Variants in STRN3 observed in about 807,000 individuals in gnomAD.
STRN3 encodes the protein striatin 3, also known as striatin-3.
In STRN3, 29 loss-of-function variants were observed where a neutral mutation model predicts 95.6. The ratio of observed to expected loss-of-function variants is 0.30; its 90% CI spans 0.23 to 0.41. The LOEUF (loss-of-function observed/expected upper bound fraction) is 0.41, where lower values mean the gene tolerates loss of function less well. STRN3 is among the 10% of genes least tolerant of loss of function. The pLI is 1.00. For synonymous variants in STRN3, 331 were observed against 357.6 expected, an observed-to-expected ratio of 0.93 and a Z score of 0.84; for missense variants, 890 against 972.1, an observed-to-expected ratio of 0.92 and a Z score of 1.12.
intron 1 of STRN3, among the ~76,000 whole-genome samples, chr14:30,984,145 C>CA (rs1166498035): frequency 5.7e-5 from 8 of 140,082 alleles, no homozygotes; most frequent in South Asian, 2.4e-4. Context: ...CAACCCCCCC[C>CA]CACACACAAA....
intron 1 of STRN3, among the ~76,000 whole-genome samples, chr14:31,000,938 T>C (rs1454708911): frequency 6.6e-6 from 1 of 152,092 alleles, no homozygotes; most frequent in East Asian, 1.9e-4. Flanking sequence ...TGTGCACATA[T>C]ACAATCTGTA....
At chr14:30,911,907 A>G (rs1358234947) in intron 11 of STRN3, 83 bp from the exon 12 acceptor site, 3 of 1,560,896 alleles carry the variant, frequency 1.9e-6, no homozygotes, top group East Asian at 4.5e-5. Flanking sequence ...TAGTCATTAG[A>G]TCAAATGTGT....
At chr14:30,896,503 T>C (rs1896154041) in intron 16 of STRN3, among the ~76,000 whole-genome samples, 1 of 136,812 alleles carries the variant, frequency 7.3e-6, no homozygotes, top group African/African-American at 2.8e-5. Flanking sequence ...CATAGTGAAA[T>C]GCTGTCAAGA....
intron 1 of STRN3, among the ~76,000 whole-genome samples, chr14:30,981,576 T>TCACA (rs34644271): frequency 0.012 from 1,794 of 145,384 alleles, 31 homozygotes; most frequent in African/African-American, 0.034. Context: ...AGCTTAGAAT[T>TCACA]CACACACACA....
At chr14:31,018,083 T>TAA (rs11438099) in intron 1 of STRN3, among the ~76,000 whole-genome samples, 3,859 of 128,550 alleles carry the variant, frequency 0.03, 74 homozygotes, top group Non-Finnish European at 0.037. Flanking sequence ...TGCCTCAATT[T>TAA]AAAAAAAAAA....
chr14:30,960,360 T>C (rs1880128644), intron 1 of STRN3, among the ~76,000 whole-genome samples: 2 of 152,102 alleles, frequency 1.3e-5, no homozygotes, highest in South Asian at 4.1e-4. Context: ...TGATAGAATT[T>C]GCTCTACTAA....
At chr14:31,025,724 G>A (rs914785946) in intron 1 of STRN3, 180 bp downstream of exon 1, 2 of 855,820 alleles carry the variant, frequency 2.3e-6, no homozygotes, top group South Asian at 3.6e-5. Context: ...AGCTTATGCG[G>A]GAAAGAGGGA....
chr14:30,997,822 C>T (rs1434972434), intron 1 of STRN3, among the ~76,000 whole-genome samples: 2 of 152,006 alleles, frequency 1.3e-5, no homozygotes, highest in Non-Finnish European at 2.9e-5. Flanking sequence ...AAGGTAATGT[C>T]AGCAAAAAAG....
At chr14:31,002,905 G>A (rs754853664) in intron 1 of STRN3, among the ~76,000 whole-genome samples, 2 of 152,120 alleles carry the variant, frequency 1.3e-5, no homozygotes, top group Non-Finnish European at 2.9e-5. Context: ...GAGTTCTGGA[G>A]ATGATGGTAG....
chr14:30,928,836 G>A (rs528495440), intron 8 of STRN3, among the ~76,000 whole-genome samples: 83 of 152,202 alleles, frequency 5.5e-4, no homozygotes, highest in Admixed American at 3.1e-3. Flanking sequence ...CTGGATATGA[G>A]TTGTTTATAG....
chr14:30,954,524 T>C (rs951452412), intron 3 of STRN3, among the ~76,000 whole-genome samples: 1 of 152,198 alleles, frequency 6.6e-6, no homozygotes, highest in Non-Finnish European at 1.5e-5. Flanking sequence ...TGCCCATCCC[T>C]TTGTTTGGTT....
intron 7 of STRN3, among the ~76,000 whole-genome samples, chr14:30,929,954 C>CAAAAAACAAAACAAAAAAAAAAAAAAAA (rs1555317326): frequency 2.5e-5 from 1 of 39,996 alleles, no homozygotes; most frequent in African/African-American, 1.2e-4. Flanking sequence ...CTAAGATTAG[C>CAAAAAACAAAACAAAAAAAAAAAAAAAA]AAAAAAAAAA....
chr14:31,005,614 G>C (rs1882677855), intron 1 of STRN3, among the ~76,000 whole-genome samples: 1 of 152,220 alleles, frequency 6.6e-6, no homozygotes, highest in Admixed American at 6.5e-5. Flanking sequence ...GGAGATGTAA[G>C]AGAGAATTGT....
intron 3 of STRN3, among the ~76,000 whole-genome samples, chr14:30,952,692 T>G (rs1274249406): frequency 6.6e-6 from 1 of 151,910 alleles, no homozygotes; most frequent in Non-Finnish European, 1.5e-5. Context: ...AGAGCAAGAC[T>G]CTGTCTCAAA....
chr14:30,966,509 T>C (rs1473526868), intron 1 of STRN3, among the ~76,000 whole-genome samples: 3 of 152,122 alleles, frequency 2.0e-5, no homozygotes, highest in African/African-American at 7.2e-5. Context: ...AATCAAGACC[T>C]ACCCAGTGCG....
At chr14:31,004,200 T>TCC (rs1473831318) in intron 1 of STRN3, among the ~76,000 whole-genome samples, 4 of 151,332 alleles carry the variant, frequency 2.6e-5, no homozygotes, top group Non-Finnish European at 4.4e-5. Flanking sequence ...GGTGGGAAGA[T>TCC]CACCTGAGCT....
chr14:30,952,299 A>G (rs1368101754), intron 3 of STRN3, among the ~76,000 whole-genome samples: 1 of 152,168 alleles, frequency 6.6e-6, no homozygotes, highest in Non-Finnish European at 1.5e-5. Context: ...CAACCCTCAT[A>G]CTGAATGTTG....
At position 30,929,960 on chromosome 14, in the gene STRN3, A is replaced by AC. The variant is rs1566441354; in HGVS notation, c.989-650_989-649insG. 9.1e-5 allele frequency among the ~76,000 whole-genome samples: 13 copies of AC among 142,952 alleles called. 1 individual carries two copies. Among genetic ancestry groups the AC allele is most frequent in the African/African-American group, 2.5e-4 (10 of 39,258 alleles). The allele number at this position is 142,952 out of a possible 152,430, so 93.8% of individuals were successfully genotyped here. A position where few individuals can be genotyped will look rare whatever the true frequency, so the allele number is the denominator to read the frequency against. On this transcript the variant is annotated intron_variant, in intron 7 of 17. Transcript: ENST00000357479. ...GGTCTACAACTAAGATTAGCAAAAA[A>AC]AAAAAAAAAAAAAAAAAAACTCAAA...
chr14:30,982,392 C>T (rs1380631350), intron 1 of STRN3, among the ~76,000 whole-genome samples: 1 of 152,162 alleles, frequency 6.6e-6, no homozygotes, highest in Admixed American at 6.5e-5. Flanking sequence ...ACTGCAACCT[C>T]CGCATCCCGG....
Sources: gnomAD v4.1 joint callset for allele counts (sites outside exome capture counted in the v4.1 genomes callset) on GRCh38, gnomAD v4.1.1 for gene constraint, MANE v1.5 for transcripts, NCBI Gene and HGNC (gene_info 2026-07-23, HGNC 2026-07-21) for gene names.